The following PCSK2 variants were observed in gnomAD, a reference collection of about 807,000 sequenced individuals.
The protein encoded by PCSK2 is neuroendocrine convertase 2.
A neutral mutation model predicts 69.7 loss-of-function variants in PCSK2; 14 were observed. That is an observed-to-expected ratio of 0.20 (90% CI 0.13 to 0.31). PCSK2 has a LOEUF of 0.31. Ranked by LOEUF, PCSK2 falls within the 10% of genes least tolerant of loss-of-function variation. The pLI, the probability that PCSK2 is intolerant of heterozygous loss-of-function variation, is 1.00. For missense variants in PCSK2, 544 were observed against 842.5 expected (o/e 0.65, Z 4.39); for synonymous variants, 307 against 320.7 (o/e 0.96, Z 0.46).
intron 8 of PCSK2, among the ~76,000 whole-genome samples, chr20:17,437,808 T>C (rs1474217206): frequency 6.6e-6 from 1 of 152,212 alleles, no homozygotes; most frequent in Non-Finnish European, 1.5e-5. Flanking sequence ...GGCTCATCCG[T>C]CCTCCATGAT....
In PCSK2 at chr20:17,376,242, C is replaced by G. The variant is rs543579307; in HGVS notation, c.543+6965C>G. ...CCAAAATCACCAAACCTCAGCCAAC[C>G]CACAGAAACAAGCAAGCCAGCCAAG... On this transcript the variant is annotated intron_variant, in intron 5 of 11. Transcript: ENST00000262545. Among the ~76,000 whole-genome samples the G allele has an allele frequency of 2.5e-3, 384 of 152,298 alleles. 6 individuals are homozygous for G. The highest frequency in any genetic ancestry group is 8.5e-4 in the Non-Finnish European group (58 of 68,018).
At chr20:17,414,899 G>A (rs1485018524) in intron 6 of PCSK2, among the ~76,000 whole-genome samples, 7 of 152,094 alleles carry the variant, frequency 4.6e-5, no homozygotes, top group South Asian at 2.1e-4. Context: ...ATCAGTAAAC[G>A]TAATCCATCA....
intron 11 of PCSK2, among the ~76,000 whole-genome samples, chr20:17,469,455 T>C (rs763180419): frequency 6.6e-5 from 10 of 152,074 alleles, no homozygotes; most frequent in South Asian, 2.1e-4. Flanking sequence ...GCTAGGCCCA[T>C]TTACATTACT....
At chr20:17,430,038 A>G (rs2032331469) in intron 7 of PCSK2, among the ~76,000 whole-genome samples, 1 of 152,204 alleles carries the variant, frequency 6.6e-6, no homozygotes, top group South Asian at 2.1e-4. Flanking sequence ...ACATACTCAG[A>G]GCTCTTCAAA....
intron 3 of PCSK2, among the ~76,000 whole-genome samples, chr20:17,359,775 C>G (rs1206052802): frequency 6.6e-6 from 1 of 151,700 alleles, no homozygotes; most frequent in Non-Finnish European, 1.5e-5. Flanking sequence ...TGGGCTTTTG[C>G]CAGTACAAGC....
chr20:17,453,893 G>A lies in PCSK2; in HGVS notation c.1037G>A (p.Ser346Asn). Residue 346 changes from serine (S) to asparagine (N), a missense_variant, in exon 9 of 12, where the codon AGC becomes AAC. Ser to Asn is a conservative substitution (Grantham distance 46, BLOSUM62 1). Coordinates refer to ENST00000262545, the MANE Select transcript of PCSK2 (RefSeq NM_002594.5). The surrounding 1 kb of genome is among the most constrained non-coding windows in gnomAD (Gnocchi z 4.0). ...NDGRTALYDE[S>N]CSSTLASTFS... The stretch of plus-strand genomic sequence containing the variant: ...GGCAGGACTGCCCTGTACGACGAGA[G>A]CTGCTCTTCCACCTTGGCTTCCACC... 6.2e-7 allele frequency: 1 copy of A among 1,614,252 alleles called. No homozygotes were observed. The highest frequency in any genetic ancestry group is 8.5e-7 in the Non-Finnish European group (1 of 1,180,046).
At chr20:17,331,808 C>T (rs6111507) in intron 2 of PCSK2, among the ~76,000 whole-genome samples, 2 of 151,124 alleles carry the variant, frequency 1.3e-5, no homozygotes, top group Non-Finnish European at 2.9e-5. Context: ...AGTGTGCAAC[C>T]TTATTTGATA....
intron 6 of PCSK2, among the ~76,000 whole-genome samples, chr20:17,427,914 C>T (rs1358274721): frequency 3.3e-5 from 5 of 152,164 alleles, no homozygotes; most frequent in Non-Finnish European, 5.9e-5. Flanking sequence ...ACATGGTCTC[C>T]TGAGGCCCAG....
At chr20:17,376,782 TG>T (rs2030940519) in intron 5 of PCSK2, among the ~76,000 whole-genome samples, 1 of 152,262 alleles carries the variant, frequency 6.6e-6, no homozygotes, top group African/African-American at 2.4e-5. Context: ...GTGTGTACTT[TG>T]TAAGTGTTTT....
At chr20:17,427,751 A>T (rs1376168291) in intron 6 of PCSK2, among the ~76,000 whole-genome samples, 1 of 152,062 alleles carries the variant, frequency 6.6e-6, no homozygotes, top group Non-Finnish European at 1.5e-5. Flanking sequence ...CTGGGGGCTG[A>T]TTGGTTTAGG....
At chr20:17,344,496 A>G (rs1376208390) in intron 2 of PCSK2, among the ~76,000 whole-genome samples, 1 of 152,236 alleles carries the variant, frequency 6.6e-6, no homozygotes, top group Non-Finnish European at 1.5e-5. Context: ...GTCCTTGAAG[A>G]AGAAAGAACT....
At chr20:17,235,779 G>T (rs768795986) in intron 1 of PCSK2, among the ~76,000 whole-genome samples, 2 of 152,022 alleles carry the variant, frequency 1.3e-5, no homozygotes, top group Non-Finnish European at 2.9e-5. Flanking sequence ...TTCCTCTTAA[G>T]ATTTAAACAA....
At chr20:17,357,271 A>G (rs2030236012) in intron 2 of PCSK2, among the ~76,000 whole-genome samples, 1 of 152,180 alleles carries the variant, frequency 6.6e-6, no homozygotes, top group African/African-American at 2.4e-5. Flanking sequence ...CAAAATTGAA[A>G]TGTTGTCAGT....
At chr20:17,283,585 T>A (rs1227747974) in intron 2 of PCSK2, among the ~76,000 whole-genome samples, 1 of 152,180 alleles carries the variant, frequency 6.6e-6, no homozygotes, top group African/African-American at 2.4e-5. Context: ...ATGTGAGTGA[T>A]TAAAAGATTT....
chr20:17,341,821 G>A (rs980555415), intron 2 of PCSK2, among the ~76,000 whole-genome samples: 3 of 151,516 alleles, frequency 2.0e-5, no homozygotes, highest in African/African-American at 7.3e-5. Flanking sequence ...AGTCAGACTT[G>A]TTTACAGAAA....
chr20:17,245,184 C>T (rs1051679128), intron 1 of PCSK2, among the ~76,000 whole-genome samples: 4 of 152,246 alleles, frequency 2.6e-5, no homozygotes, highest in South Asian at 2.1e-4. Flanking sequence ...GCTAGATACA[C>T]GTGGAGGTCA....
At chr20:17,296,021 G>A (rs1392417897) in intron 2 of PCSK2, among the ~76,000 whole-genome samples, 1 of 152,196 alleles carries the variant, frequency 6.6e-6, no homozygotes, top group Non-Finnish European at 1.5e-5. Context: ...GGTACACAAA[G>A]TTATAGTTCC....
intron 11 of PCSK2, among the ~76,000 whole-genome samples, chr20:17,471,330 C>G (rs1257934700): frequency 3.3e-5 from 5 of 152,132 alleles, no homozygotes; most frequent in Non-Finnish European, 7.4e-5. Context: ...CACAACTATC[C>G]AGGAACTTTA....
chr20:17,239,730 G>A (rs1986486626), intron 1 of PCSK2, among the ~76,000 whole-genome samples: 1 of 150,942 alleles, frequency 6.6e-6, no homozygotes, highest in African/African-American at 2.4e-5. Flanking sequence ...CAAACATAAT[G>A]CAACACACTA....
Sources: gnomAD v4.1 joint callset for allele counts (sites outside exome capture counted in the v4.1 genomes callset) on GRCh38, gnomAD v4.1.1 for gene constraint, Gnocchi (gnomAD v3.1) non-coding constraint, MANE v1.5 for transcripts, NCBI Gene and HGNC (gene_info 2026-07-23, HGNC 2026-07-21) for gene names.